The following NTRK3 variants were observed in gnomAD, a reference collection of about 807,000 sequenced individuals.
NTRK3 encodes neurotrophic receptor tyrosine kinase 3.
Under a neutral mutation model 91.7 loss-of-function variants are expected in NTRK3, and 24 were observed. That is an observed-to-expected ratio of 0.26 (90% confidence interval 0.19 to 0.37). The LOEUF (loss-of-function observed/expected upper bound fraction) is 0.37. Among genes scored for constraint, NTRK3 ranks in the 10% least tolerant of loss-of-function variants. The pLI is 1.00. For missense variants in NTRK3, 880 were observed against 1,068.9 expected, an observed-to-expected ratio of 0.82 and a Z score of 2.46; for synonymous variants, 483 against 404.0, an observed-to-expected ratio of 1.20 and a Z score of -2.34.
chr15:87,889,415 T>TC (rs2065732941), intron 17 of NTRK3, among the ~76,000 whole-genome samples: 1 of 142,024 alleles, frequency 7.0e-6, no homozygotes, highest in African/African-American at 2.6e-5. Flanking sequence ...TTTTTTTTTT[T>TC]TTTTTTGAGA....
intron 13 of NTRK3, among the ~76,000 whole-genome samples, chr15:88,120,496 C>T (rs183330315): frequency 8.5e-5 from 13 of 152,306 alleles, no homozygotes; most frequent in Non-Finnish European, 1.5e-4. Context: ...AAGGCATTGC[C>T]GGAAGCCCAA....
chr15:88,250,182 G>T (rs568664902), intron 3 of NTRK3, among the ~76,000 whole-genome samples: 79 of 152,284 alleles, frequency 5.2e-4, no homozygotes, highest in African/African-American at 1.7e-3. Flanking sequence ...GGCTGAAAGG[G>T]CCACGCCCAA....
chr15:88,006,202 T>C (rs1310512069), intron 14 of NTRK3, among the ~76,000 whole-genome samples: 2 of 152,226 alleles, frequency 1.3e-5, no homozygotes, highest in Non-Finnish European at 2.9e-5. Context: ...CAAAAAAATT[T>C]TTCCCACAAC....
chr15:87,861,906 CCAG>C (rs1228294546), exon 19 of NTRK3: 3 of 215,006 alleles, frequency 1.4e-5, no homozygotes, highest in African/African-American at 6.8e-5. Context: ...TTTCCCCCAG[CCAG>C]CAGATCGTTC....
intron 3 of NTRK3, among the ~76,000 whole-genome samples, chr15:88,211,646 T>C (rs1335626268): frequency 6.6e-6 from 1 of 152,054 alleles, no homozygotes; most frequent in Non-Finnish European, 1.5e-5. Flanking sequence ...TTAACAGGAG[T>C]CCAAGGTGAA....
intron 3 of NTRK3, among the ~76,000 whole-genome samples, chr15:88,232,184 C>T (rs1168988473): frequency 6.6e-6 from 1 of 151,268 alleles, no homozygotes; most frequent in African/African-American, 2.5e-5. Context: ...TGCCTCACCT[C>T]CCTCTCTATC....
chr15:87,935,527 G>A (rs565991788), intron 15 of NTRK3, among the ~76,000 whole-genome samples: 1 of 152,318 alleles, frequency 6.6e-6, no homozygotes, highest in African/African-American at 2.4e-5. Flanking sequence ...GCTGGGTCAT[G>A]GGTATTGAAT....
chr15:88,086,635 G>A (rs1308625476), intron 13 of NTRK3, among the ~76,000 whole-genome samples: 1 of 152,122 alleles, frequency 6.6e-6, no homozygotes, highest in Non-Finnish European at 1.5e-5. Context: ...ATCCCCTGGG[G>A]ATCTTTTAAA....
At chr15:88,047,206 G>T (rs1350059195) in intron 13 of NTRK3, among the ~76,000 whole-genome samples, 1 of 152,186 alleles carries the variant, frequency 6.6e-6, no homozygotes, top group East Asian at 1.9e-4. Context: ...GCACGTGGCT[G>T]CTCATTGAAC....
intron 4 of NTRK3, 72 bp downstream of exon 4, chr15:88,184,153 C>A: frequency 6.7e-7 from 1 of 1,488,850 alleles, no homozygotes; most frequent in Non-Finnish European, 9.3e-7. Flanking sequence ...CCTCACGCCA[C>A]CCCAGAAGGC....
chr15:87,892,067 A>G (rs2065879098), intron 17 of NTRK3, among the ~76,000 whole-genome samples: 1 of 128,298 alleles, frequency 7.8e-6, no homozygotes, highest in African/African-American at 2.9e-5. Flanking sequence ...TCCCTTGTCC[A>G]GTTGCCCCCA....
Position 88,176,136 on chromosome 15 carries a change from C to CTTTTTTT in NTRK3, c.395+7275_395+7281dup, listed in dbSNP as rs139583264. Among the ~76,000 whole-genome samples, 701 of 116,044 alleles carry CTTTTTTT rather than the reference C, an allele frequency of 6.0e-3. 25 individuals are homozygous for CTTTTTTT. The highest frequency in any genetic ancestry group is 7.8e-3 in the African/African-American group (215 of 27,564). 76.1% of individuals were successfully genotyped at this position (116,044 alleles called of 152,430 possible). A position where few individuals can be genotyped will look rare whatever the true frequency, so the allele number is the denominator to read the frequency against. ...TGTAATATTTGCCTATATGCCCCTT[C>CTTTTTTT]TTTTTTTTTTTTTTTTTTTGAGACA... On this transcript the variant is annotated intron_variant, in intron 5 of 18. Coordinates refer to ENST00000394480, the Ensembl canonical transcript of NTRK3.
chr15:87,875,866 C>G, exon 19 of NTRK3: 2 of 232,410 alleles, frequency 8.6e-6, no homozygotes, highest in Non-Finnish European at 1.7e-5. Flanking sequence ...ACTGAGAGGA[C>G]CAGGGGGCAT....
In NTRK3 at chr15:87,959,685, C is replaced by T. The variant is rs557169561; in HGVS notation, c.1586-18932G>A. On this transcript the variant is annotated intron_variant, in intron 14 of 18. Transcript: ENST00000394480. ...AGCTGCTCCTCAATCTGAGGCCCTA[C>T]GCTCAAGCTAGAGCTCCATCACAGC... is the stretch of plus-strand genomic sequence containing the variant. Among the ~76,000 whole-genome samples, 91 of 152,306 alleles carry T rather than the reference C, an allele frequency of 6.0e-4. 2 individuals are homozygous for T. The South Asian group carries it at 0.011, about 18-fold the overall frequency.
At chr15:88,239,977 G>A (rs1477341870) in intron 3 of NTRK3, among the ~76,000 whole-genome samples, 2 of 152,080 alleles carry the variant, frequency 1.3e-5, no homozygotes, top group African/African-American at 2.4e-5. Flanking sequence ...TCGGTGATGC[G>A]CATGCACGCC....
intron 16 of NTRK3, 131 bp from the exon 17 acceptor site, chr15:87,929,565 G>T: frequency 8.4e-7 from 1 of 1,196,472 alleles, no homozygotes; most frequent in Non-Finnish European, 1.1e-6. Flanking sequence ...TCCTGCCTAT[G>T]GCTTATTTTT....
chr15:87,868,136 T>C (rs1349349282), exon 19 of NTRK3: 2 of 231,862 alleles, frequency 8.6e-6, no homozygotes, highest in East Asian at 6.1e-5. Flanking sequence ...TGGATTTGTA[T>C]ACCAGTAGGA....
intron 13 of NTRK3, among the ~76,000 whole-genome samples, chr15:88,088,119 AAT>A (rs2048675509): frequency 1.3e-5 from 2 of 152,210 alleles, no homozygotes; most frequent in Non-Finnish European, 2.9e-5. Context: ...GCTGTTAAAA[AAT>A]ATGTCAGTGC....
intron 3 of NTRK3, among the ~76,000 whole-genome samples, chr15:88,227,881 C>T (rs1276494213): frequency 6.6e-6 from 1 of 152,138 alleles, no homozygotes; most frequent in East Asian, 1.9e-4. Flanking sequence ...CCCGTGGGTC[C>T]TTTCTCCTTA....
Sources: gnomAD v4.1 joint callset for allele counts (sites outside exome capture counted in the v4.1 genomes callset) on GRCh38, gnomAD v4.1.1 for gene constraint, MANE v1.5 for transcripts, NCBI Gene and HGNC (gene_info 2026-07-23, HGNC 2026-07-21) for gene names.